Variants in WRN observed in about 807,000 individuals in gnomAD.
WRN encodes the protein bifunctional 3'-5' exonuclease/ATP-dependent helicase WRN.
WRN carries 149 observed loss-of-function variants against 180.7 expected under a neutral mutation model. The ratio of observed to expected loss-of-function variants is 0.82; its 90% confidence interval spans 0.72 to 0.94. The LOEUF (loss-of-function observed/expected upper bound fraction) is 0.94, where lower values mean the gene tolerates loss of function less well. WRN is among the 40% of genes least tolerant of loss of function. The pLI is 0.00. For missense variants in WRN, 1,661 were observed against 1,700.1 expected, an observed-to-expected ratio of 0.98 and a Z score of 0.40; for synonymous variants, 548 against 568.9, an observed-to-expected ratio of 0.96 and a Z score of 0.52.
At chr8:31,103,037 A>G (rs1012143341) in intron 18 of WRN, among the ~76,000 whole-genome samples, 1 of 152,094 alleles carries the variant, frequency 6.6e-6, no homozygotes, top group Admixed American at 6.5e-5. Context: ...TTTTTGTTAA[A>G]AACTAAAATA....
rs142048521 is a variant in WRN at position 31,039,205 on chromosome 8, A to T, written c.-77+5232A>T. On this transcript the variant is annotated intron_variant, in intron 1 of 34. Transcript: ENST00000298139. ...AAGTCTTTCTATGCATAAACATGGG[A>T]TATCTTTCCATTTATTTGTGTTTTC... Among the ~76,000 whole-genome samples the T allele has an allele frequency of 1.4e-4, 21 of 152,260 alleles. No homozygotes were observed. The East Asian group carries it at 3.9e-3, about 28-fold the overall frequency.
At chr8:31,066,917 G>C in intron 5 of WRN, 116 bp from the exon 6 acceptor site, 1 of 1,275,670 alleles carries the variant, frequency 7.8e-7, no homozygotes, top group Non-Finnish European at 1.1e-6. Flanking sequence ...CTATCTGTGG[G>C]TTGTATTTTG....
chr8:31,172,475 A>T (rs190486803), intron 34 of WRN, among the ~76,000 whole-genome samples: 1 of 151,860 alleles, frequency 6.6e-6, no homozygotes, highest in Non-Finnish European at 1.5e-5. Flanking sequence ...AGAAACTTTT[A>T]TTTTTTTCAT....
chr8:31,159,752 C>T (rs1008145763), intron 33 of WRN, among the ~76,000 whole-genome samples: 1 of 151,978 alleles, frequency 6.6e-6, no homozygotes, highest in African/African-American at 2.4e-5. Flanking sequence ...CAAGACCAGC[C>T]TGGCCAACAT....
chr8:31,153,053 A>G (rs1439179805), intron 31 of WRN, among the ~76,000 whole-genome samples: 1 of 151,726 alleles, frequency 6.6e-6, no homozygotes, highest in Non-Finnish European at 1.5e-5. Flanking sequence ...TGTCTTTGTT[A>G]TATTCCAAAC....
chr8:31,111,129 A>T (rs11574285), intron 18 of WRN, among the ~76,000 whole-genome samples: 531 of 152,230 alleles, frequency 3.5e-3, no homozygotes, highest in African/African-American at 0.011. Flanking sequence ...AGATTTGTGA[A>T]GCCATAAACC....
At chr8:31,085,294 C>T (rs1432782861) in intron 11 of WRN, 48 bp downstream of exon 11, 1 of 1,600,824 alleles carries the variant, frequency 6.2e-7, no homozygotes, top group Non-Finnish European at 8.5e-7. Context: ...TTCCAAAGGA[C>T]ATTTAATTAA....
chr8:31,090,875 G>C lies in WRN; in HGVS notation c.1762G>C (p.Val588Leu), dbSNP rs587778747. ...SLCFQYPPVY[V>L]GKIGLVISPL... ...GTGCTTCCAGTATCCACCTGTTTAT[G>C]TAGGCAAGATTGGCCTTGTTATCTC... Residue 588 changes from valine to leucine, a missense_variant, in exon 15 of 35, where the codon GTA becomes CTA. Val to Leu is a conservative substitution (Grantham distance 32). Coordinates refer to ENST00000298139, the MANE Select transcript of WRN (RefSeq NM_000553.6). The C allele has an allele frequency of 1.2e-6, 2 of 1,612,584 alleles. No homozygotes were observed. The highest frequency in any genetic ancestry group is 1.7e-6 in the Non-Finnish European group (2 of 1,179,146).
intron 21 of WRN, among the ~76,000 whole-genome samples, chr8:31,122,888 A>G (rs62506093): frequency 0.25 from 15,230 of 61,204 alleles, 1,225 homozygotes; most frequent in Non-Finnish European, 0.31. Flanking sequence ...TTTTTTTTCT[A>G]TAGGAGGGGA....
chr8:31,082,542 T>G (rs1020608588), intron 9 of WRN, among the ~76,000 whole-genome samples: 1 of 152,172 alleles, frequency 6.6e-6, no homozygotes, highest in African/African-American at 2.4e-5. Flanking sequence ...AATTTCTTAT[T>G]AGGTATACAC....
intron 17 of WRN, among the ~76,000 whole-genome samples, chr8:31,100,203 A>G (rs977700962): frequency 6.6e-6 from 1 of 152,158 alleles, no homozygotes; most frequent in Non-Finnish European, 1.5e-5. Context: ...ATTACAACAC[A>G]CTATTGATTC....
rs780839404 is a variant in WRN, at chr8:31,143,546, G to A, written c.3310-4G>A. 41 of 1,573,904 alleles carry A rather than the reference G, an allele frequency of 2.6e-5. No individual in the cohort carries two copies. Among genetic ancestry groups the A allele is most frequent in the Non-Finnish European group, 3.3e-5 (38 of 1,149,472 alleles). On this transcript the variant is annotated splice_polypyrimidine_tract_variant and splice_region_variant and intron_variant, in intron 27 of 34. Coordinates refer to ENST00000298139, the MANE Select transcript of WRN (RefSeq NM_000553.6). Reference sequence around the variant, plus strand: ...TTAATGGACCTTTATATGTTTAAATGCAGTCTAACTTGGAGAAGTTATATT... The same window carrying A: ...TTAATGGACCTTTATATGTTTAAATACAGTCTAACTTGGAGAAGTTATATT...
intron 33 of WRN, among the ~76,000 whole-genome samples, chr8:31,161,001 T>A (rs1012823263): frequency 1.9e-3 from 271 of 146,308 alleles, no homozygotes; most frequent in Middle Eastern, 7.1e-3. Context: ...AAAAAAAAAA[T>A]AGAATTTGTG....
At chr8:31,118,719 T>C (rs974075275) in intron 20 of WRN, among the ~76,000 whole-genome samples, 2 of 152,062 alleles carry the variant, frequency 1.3e-5, no homozygotes, top group East Asian at 1.9e-4. Flanking sequence ...AGTATACTTT[T>C]CTTTCTTATT....
At chr8:31,131,191 C>T (rs1270124568) in intron 23 of WRN, among the ~76,000 whole-genome samples, 2 of 68,410 alleles carry the variant, frequency 2.9e-5, no homozygotes, top group Admixed American at 4.5e-4. Flanking sequence ...TTGCTCTTGT[C>T]ACCCAGGCTG....
chr8:31,103,989 C>T (rs533050463), intron 18 of WRN, among the ~76,000 whole-genome samples: 1 of 152,344 alleles, frequency 6.6e-6, no homozygotes, highest in Admixed American at 6.5e-5. Flanking sequence ...CTGCCTCGGC[C>T]TCCCAAAGTG....
At chr8:31,089,883 C>T (rs1374904418) in intron 13 of WRN, among the ~76,000 whole-genome samples, 2 of 151,964 alleles carry the variant, frequency 1.3e-5, no homozygotes, top group East Asian at 3.9e-4. Context: ...TCATTCATTC[C>T]AGTTTTAAAA....
intron 24 of WRN, among the ~76,000 whole-genome samples, chr8:31,135,514 G>A (rs1369789743): frequency 6.6e-6 from 1 of 152,226 alleles, no homozygotes; most frequent in Admixed American, 6.5e-5. Context: ...AGAAATGAGT[G>A]TAATGTAGCA....
chr8:31,120,500 C>T, intron 21 of WRN, 76 bp downstream of exon 21: 4 of 1,398,396 alleles, frequency 2.9e-6, no homozygotes, highest in Non-Finnish European at 3.9e-6. Context: ...GTGTTTGAGG[C>T]TATTTCCAGT....
Sources: allele counts gnomAD v4.1 joint callset (sites outside exome capture counted in the v4.1 genomes callset), GRCh38; gene constraint gnomAD v4.1.1; transcripts MANE v1.5; gene names NCBI Gene and HGNC (gene_info 2026-07-23, HGNC 2026-07-21).